The following RGS6 variants were observed in gnomAD, a reference collection of about 807,000 sequenced individuals.
RGS6 encodes the protein regulator of G-protein signaling 6.
A neutral mutation model predicts 78.5 loss-of-function variants in RGS6; 30 were observed. That is an observed-to-expected ratio of 0.38 (90% CI 0.29 to 0.52). The LOEUF is 0.52. Ranked by LOEUF, RGS6 falls within the 20% of genes least tolerant of loss-of-function variation. RGS6 has a pLI of 0.85. For synonymous variants in RGS6, 206 were observed against 206.0 expected, an observed-to-expected ratio of 1.00 and a Z score of 0.00; for missense variants, 495 against 609.7, an observed-to-expected ratio of 0.81 and a Z score of 1.98.
chr14:72,167,109 A>G (rs542049922), intron 2 of RGS6, among the ~76,000 whole-genome samples: 2 of 152,318 alleles, frequency 1.3e-5, no homozygotes, highest in Non-Finnish European at 2.9e-5. Context: ...ACGCTCAAGT[A>G]TTACCCAGGA....
At chr14:71,995,401 C>T (rs1483971561) in intron 2 of RGS6, among the ~76,000 whole-genome samples, 4 of 152,186 alleles carry the variant, frequency 2.6e-5, no homozygotes, top group African/African-American at 9.6e-5. Flanking sequence ...GGCATTGGAG[C>T]CTGGCCCCTG....
In RGS6 at chr14:72,183,797, C is replaced by G. The variant is rs552654085; in HGVS notation, c.85-168298C>G. 1.2e-4 allele frequency among the ~76,000 whole-genome samples: 19 copies of G among 152,294 alleles called. 1 individual carries two copies. In the East Asian group the frequency reaches 3.7e-3, roughly 29 times the overall value. On this transcript the variant is annotated intron_variant, in intron 2 of 17. Coordinates refer to ENST00000553525, the MANE Select transcript of RGS6 (RefSeq NM_001204424.2). ...AGGAATTCTTTTTCCTTCTGTGCCT[C>G]AGAGCTGCCTCTATGTGGCCATATG...
chr14:72,234,133 A>G (rs1420238873), intron 2 of RGS6, among the ~76,000 whole-genome samples: 2 of 151,960 alleles, frequency 1.3e-5, no homozygotes, highest in African/African-American at 4.8e-5. Flanking sequence ...TCCGATAAGC[A>G]CTTTGCGTAC....
chr14:72,357,056 A>T, intron 3 of RGS6, among the ~76,000 whole-genome samples: 1 of 152,122 alleles, frequency 6.6e-6, no homozygotes, highest in East Asian at 1.9e-4. Flanking sequence ...GGATCATTTG[A>T]GGTCGGGAGT....
intron 1 of RGS6, among the ~76,000 whole-genome samples, chr14:71,953,822 C>T (rs1425142273): frequency 1.3e-5 from 2 of 152,082 alleles, no homozygotes; most frequent in South Asian, 2.1e-4. Context: ...GTATAATTTT[C>T]CTCTGCCTGA....
intron 2 of RGS6, among the ~76,000 whole-genome samples, chr14:72,281,229 G>A (rs1285177841): frequency 1.4e-5 from 2 of 145,812 alleles, no homozygotes; most frequent in East Asian, 4.1e-4. Flanking sequence ...GCTCACTGTA[G>A]CCTCCGCCTC....
chr14:72,021,887 G>T (rs532117975), intron 2 of RGS6, among the ~76,000 whole-genome samples: 1 of 152,082 alleles, frequency 6.6e-6, no homozygotes, highest in Admixed American at 6.5e-5. Flanking sequence ...GGTGTATTAA[G>T]CCTAGTACCC....
At chr14:72,204,752 C>G (rs1215869822) in intron 2 of RGS6, among the ~76,000 whole-genome samples, 1 of 152,190 alleles carries the variant, frequency 6.6e-6, no homozygotes, top group Non-Finnish European at 1.5e-5. Flanking sequence ...CTCCCAAAAG[C>G]CCTACCTCCT....
At chr14:72,537,558 G>A in intron 16 of RGS6, 1 of 702,370 alleles carries the variant, frequency 1.4e-6, no homozygotes. Context: ...CTGGCCTCCT[G>A]TCGATTCCCC....
chr14:71,990,606 A>G (rs754548493), intron 2 of RGS6: 3 of 455,834 alleles, frequency 6.6e-6, no homozygotes, highest in Non-Finnish European at 1.3e-5. Flanking sequence ...TTTTACCCCA[A>G]TCTCTGCATA....
the RGS6 span, among the ~76,000 whole-genome samples, chr14:72,608,817 G>T: frequency 6.6e-6 from 1 of 152,182 alleles, no homozygotes; most frequent in African/African-American, 2.4e-5. Context: ...GGAATTTGTT[G>T]CTCCTGGAGT....
intron 3 of RGS6, among the ~76,000 whole-genome samples, chr14:72,414,825 C>G (rs1012772371): frequency 6.6e-6 from 1 of 152,166 alleles, no homozygotes; most frequent in Admixed American, 6.5e-5. Flanking sequence ...CACTCCAGAG[C>G]CTGTTTACCT....
At chr14:72,251,301 T>G (rs2055704629) in intron 2 of RGS6, among the ~76,000 whole-genome samples, 1 of 152,210 alleles carries the variant, frequency 6.6e-6, no homozygotes, top group African/African-American at 2.4e-5. Context: ...CTTTCTTCTC[T>G]TCTCCAGTGG....
intron 13 of RGS6, among the ~76,000 whole-genome samples, chr14:72,500,263 A>G (rs10147108): frequency 0.17 from 26,423 of 152,192 alleles, 2,500 homozygotes; most frequent in African/African-American, 0.25. Context: ...GGATAGCTAC[A>G]GTGTTCTGTC....
intron 2 of RGS6, among the ~76,000 whole-genome samples, chr14:72,180,637 G>A (rs1311287788): frequency 6.6e-6 from 1 of 152,202 alleles, no homozygotes; most frequent in African/African-American, 2.4e-5. Context: ...AAGATAGCCA[G>A]AGTGTATGTT....
the RGS6 span, among the ~76,000 whole-genome samples, chr14:72,624,434 G>C: frequency 2.1e-4 from 31 of 145,116 alleles, no homozygotes; most frequent in Non-Finnish European, 3.8e-4. Flanking sequence ...CTTCTCCCGG[G>C]CTCAAGCAAT....
At chr14:72,188,352 AG>A (rs1380071565) in intron 2 of RGS6, among the ~76,000 whole-genome samples, 1 of 152,232 alleles carries the variant, frequency 6.6e-6, no homozygotes, top group Non-Finnish European at 1.5e-5. Context: ...GTATTTGCTC[AG>A]AACCACCACA....
intron 2 of RGS6, among the ~76,000 whole-genome samples, chr14:72,093,504 A>G (rs1480244465): frequency 6.6e-6 from 1 of 152,190 alleles, no homozygotes; most frequent in Non-Finnish European, 1.5e-5. Context: ...TTGGCCTCCT[A>G]AAGTGCTGGC....
intron 2 of RGS6, among the ~76,000 whole-genome samples, chr14:72,125,084 ATAGAAT>A (rs963378702): frequency 1.3e-5 from 2 of 152,130 alleles, no homozygotes; most frequent in African/African-American, 4.8e-5. Context: ...GATGCTTGTA[ATAGAAT>A]TAGAAGGCCC....
Sources: gnomAD v4.1 joint callset for allele counts (sites outside exome capture counted in the v4.1 genomes callset) on GRCh38, gnomAD v4.1.1 for gene constraint, MANE v1.5 for transcripts, NCBI Gene and HGNC (gene_info 2026-07-23, HGNC 2026-07-21) for gene names.